TBL1XR1: variants seen among roughly 807,000 people sequenced by gnomAD.
TBL1XR1 encodes TBL1X/Y related 1.
A neutral mutation model predicts 66.9 loss-of-function variants in TBL1XR1; 5 were observed. The observed-to-expected ratio is 0.07, with a 90% CI of 0.04 to 0.16. The LOEUF is 0.16. Ranked by LOEUF, TBL1XR1 falls within the 10% of genes least tolerant of loss-of-function variation. The pLI is 1.00. For missense variants in TBL1XR1, 238 were observed against 623.2 expected, an observed-to-expected ratio of 0.38 and a Z score of 6.58; for synonymous variants, 210 against 206.0, an observed-to-expected ratio of 1.02 and a Z score of -0.17.
intron 1 of TBL1XR1, chr3:177,131,481 T>C: frequency 1.5e-6 from 1 of 683,552 alleles, no homozygotes; most frequent in Non-Finnish European, 1.8e-6. Flanking sequence ...AAAAACTAAA[T>C]TAAAAAAACA....
At chr3:177,091,377 C>G (rs1406889869) in intron 2 of TBL1XR1, among the ~76,000 whole-genome samples, 1 of 151,704 alleles carries the variant, frequency 6.6e-6, no homozygotes, top group Non-Finnish European at 1.5e-5. Context: ...ACATTATTTT[C>G]TATTATGTTT....
chr3:177,046,441 C>T (rs1023214715), intron 9 of TBL1XR1, among the ~76,000 whole-genome samples: 40 of 152,014 alleles, frequency 2.6e-4, no homozygotes, highest in African/African-American at 9.4e-4. Context: ...CTACAAAGGG[C>T]CAGGCATTAT....
At chr3:177,156,547 A>T (rs1040079428) in intron 1 of TBL1XR1, among the ~76,000 whole-genome samples, 24 of 145,566 alleles carry the variant, frequency 1.6e-4, no homozygotes, top group African/African-American at 5.5e-4. Context: ...ACACACACAC[A>T]CTTATATATA....
intron 14 of TBL1XR1, among the ~76,000 whole-genome samples, chr3:177,029,534 T>A (rs1713641088): frequency 6.6e-6 from 1 of 152,004 alleles, no homozygotes; most frequent in South Asian, 2.1e-4. Context: ...GGTGGGAGGA[T>A]TAGCTAAGCC....
At chr3:177,130,786 A>G (rs1728203462) in intron 1 of TBL1XR1, among the ~76,000 whole-genome samples, 1 of 152,184 alleles carries the variant, frequency 6.6e-6, no homozygotes, top group South Asian at 2.1e-4. Context: ...ACAATTGTTA[A>G]CTCCTCAGAA....
intron 3 of TBL1XR1, among the ~76,000 whole-genome samples, chr3:177,060,707 G>A (rs1718410466): frequency 2.0e-5 from 3 of 152,302 alleles, no homozygotes; most frequent in South Asian, 2.1e-4. Context: ...GTGGGGGAGA[G>A]ATTAAAAAGG....
intron 12 of TBL1XR1, chr3:177,037,256 T>C (rs1036154626): frequency 6.7e-6 from 1 of 149,814 alleles, no homozygotes; most frequent in African/African-American, 2.4e-5. Flanking sequence ...TCTTTACATA[T>C]GCAAATAAAC....
At chr3:177,091,658 A>G (rs1722859754) in intron 2 of TBL1XR1, among the ~76,000 whole-genome samples, 1 of 152,206 alleles carries the variant, frequency 6.6e-6, no homozygotes, top group South Asian at 2.1e-4. Context: ...ACAGTCAATA[A>G]AACATATCAA....
intron 1 of TBL1XR1, among the ~76,000 whole-genome samples, chr3:177,188,535 A>C (rs1028736274): frequency 6.6e-6 from 1 of 152,096 alleles, no homozygotes; most frequent in Non-Finnish European, 1.5e-5. Flanking sequence ...CAACAAGAGC[A>C]AACCTCCGTC....
At chr3:177,026,786 A>G (rs574637167) in intron 14 of TBL1XR1, 38 of 225,676 alleles carry the variant, frequency 1.7e-4, no homozygotes, top group South Asian at 2.9e-4. Flanking sequence ...AGTCTATCAC[A>G]TGAAATAAGT....
chr3:177,177,719 A>G (rs776206227), intron 1 of TBL1XR1, among the ~76,000 whole-genome samples: 1 of 152,216 alleles, frequency 6.6e-6, no homozygotes, highest in Non-Finnish European at 1.5e-5. Flanking sequence ...CCAATTTAAG[A>G]CTACCAGCTA....
chr3:177,024,916 A>G lies in TBL1XR1; in HGVS notation c.*582T>C, dbSNP rs1047855309. 2 of 152,626 alleles carry G rather than the reference A, an allele frequency of 1.3e-5. No homozygotes were observed. The highest frequency in any genetic ancestry group is 2.9e-5 in the Non-Finnish European group (2 of 68,052). 9.5% of individuals were successfully genotyped at this position (152,626 alleles called of 1,614,324 possible). A position where few individuals can be genotyped will look rare whatever the true frequency, so the allele number is the denominator to read the frequency against. Reference sequence around the variant, plus strand: ...AACATCTACCTCTTCAAAAGAATGCATTAAAATATTTTAAAGAATTTTTTG... The same window carrying G: ...AACATCTACCTCTTCAAAAGAATGCGTTAAAATATTTTAAAGAATTTTTTG... On this transcript the variant is annotated 3_prime_UTR_variant, in exon 16 of 16. Coordinates refer to ENST00000457928, the MANE Select transcript of TBL1XR1 (RefSeq NM_024665.7).
chr3:177,105,440 A>C (rs1350104011), intron 1 of TBL1XR1, among the ~76,000 whole-genome samples: 1 of 152,188 alleles, frequency 6.6e-6, no homozygotes, highest in East Asian at 1.9e-4. Context: ...GTTGCCTAAG[A>C]CCACACAGGT....
intron 2 of TBL1XR1, among the ~76,000 whole-genome samples, chr3:177,074,832 C>T (rs1720485671): frequency 6.6e-6 from 1 of 152,182 alleles, no homozygotes. Context: ...TACATTTTAA[C>T]TCAATCTTTC....
chr3:177,083,884 T>C (rs1721770178), intron 2 of TBL1XR1, among the ~76,000 whole-genome samples: 1 of 151,750 alleles, frequency 6.6e-6, no homozygotes, highest in Admixed American at 6.6e-5. Flanking sequence ...GGTCAGGAGT[T>C]CGAGATCAGC....
chr3:177,128,612 A>T (rs1176871685), intron 1 of TBL1XR1, among the ~76,000 whole-genome samples: 6 of 152,166 alleles, frequency 3.9e-5, no homozygotes, highest in Non-Finnish European at 2.9e-5. Flanking sequence ...GAGCTCAAGC[A>T]ATCTGCCCCC....
chr3:177,095,300 G>T (rs1723334069), intron 2 of TBL1XR1, among the ~76,000 whole-genome samples: 1 of 151,972 alleles, frequency 6.6e-6, no homozygotes, highest in African/African-American at 2.4e-5. Context: ...AGTGAGCCCA[G>T]ATCACACCAC....
At chr3:177,079,674 A>C (rs1216655014) in intron 2 of TBL1XR1, 2 of 152,046 alleles carry the variant, frequency 1.3e-5, no homozygotes, top group Non-Finnish European at 2.9e-5. Flanking sequence ...CAGTAAAATA[A>C]AAAAGTGTCA....
At chr3:177,085,493 T>C (rs1413856768) in intron 2 of TBL1XR1, among the ~76,000 whole-genome samples, 1 of 152,128 alleles carries the variant, frequency 6.6e-6, no homozygotes, top group Non-Finnish European at 1.5e-5. Context: ...CAATAACAGA[T>C]ATTAATCCTG....
Sources: gnomAD v4.1 joint callset for allele counts (sites outside exome capture counted in the v4.1 genomes callset) on GRCh38, gnomAD v4.1.1 for gene constraint, MANE v1.5 for transcripts, NCBI Gene and HGNC (gene_info 2026-07-23, HGNC 2026-07-21) for gene names.